Variants in PHKA2 observed in about 807,000 individuals in gnomAD.
The protein encoded by PHKA2 is phosphorylase kinase regulatory subunit alpha 2.
A neutral mutation model predicts 102.0 loss-of-function variants in PHKA2; 31 were observed. That is an observed-to-expected ratio of 0.30 (90% CI 0.23 to 0.41). The LOEUF is 0.41. Ranked by LOEUF, PHKA2 falls within the 10% of genes least tolerant of loss-of-function variation. PHKA2 has a pLI of 1.00. For missense variants in PHKA2, 858 were observed against 1,023.1 expected, an observed-to-expected ratio of 0.84 and a Z score of 2.20; for synonymous variants, 455 against 416.2, an observed-to-expected ratio of 1.09 and a Z score of -1.13.
rs1160505094 is a variant in PHKA2, at chrX:18,941,579, C to G, written c.814G>C (p.Asp272His). The change falls in exon 8 of 33, where the codon GAT (aspartate) becomes CAT (histidine). Residue 272 changes from aspartate to histidine, a missense_variant. Coordinates refer to ENST00000379942, the MANE Select transcript of PHKA2 (RefSeq NM_000292.3). The stretch of plus-strand genomic sequence containing the variant: ...TTGGTCACATTTACAAGGTTTACAT[C>G]TTCCACTGCAAAGGCCGGGAAGGAA... ...IISFPAFAVE[D>H]VNLVNVTKNE... is the part of the protein sequence containing the mutation. The G allele has an allele frequency of 1.7e-6, 2 of 1,199,557 alleles. No homozygotes were observed. Among genetic ancestry groups the G allele is most frequent in the African/African-American group, 3.5e-5 (2 of 57,182 alleles).
chrX:18,908,154 C>CA, intron 21 of PHKA2, 98 bp from the exon 22 acceptor site: 2 of 838,317 alleles, frequency 2.4e-6, no homozygotes, highest in Non-Finnish European at 3.6e-6. Context: ...TGGGCTCTCC[C>CA]AGTGCCCCTG....
At chrX:18,903,299 T>G (rs1444055007) in intron 26 of PHKA2, among the ~76,000 whole-genome samples, 2 of 112,481 alleles carry the variant, frequency 1.8e-5, no homozygotes, top group African/African-American at 6.5e-5. Context: ...CTATTTGTAT[T>G]AATATTTTTC....
chrX:18,913,693 G>A (rs1338239784), intron 19 of PHKA2, among the ~76,000 whole-genome samples: 2 of 112,181 alleles, frequency 1.8e-5, no homozygotes, highest in Non-Finnish European at 1.9e-5. Context: ...ACCACAGCCG[G>A]CCCACAAAAA....
chrX:18,969,479 A>T (rs1407031448), intron 1 of PHKA2, among the ~76,000 whole-genome samples: 1 of 111,418 alleles, frequency 9.0e-6, no homozygotes, highest in Non-Finnish European at 1.9e-5. Context: ...TTGAAAAAAA[A>T]TTTTTAATGC....
intron 29 of PHKA2, 83 bp downstream of exon 29, chrX:18,899,090 C>T: frequency 1.2e-6 from 1 of 833,239 alleles, no homozygotes; most frequent in Non-Finnish European, 1.8e-6. Flanking sequence ...CTCGAATCCT[C>T]AGAAGTTGGG....
chrX:18,892,856 G>A lies in PHKA2; in HGVS notation c.*629C>T, dbSNP rs1335218173. The A allele has an allele frequency of 8.8e-6, 1 of 113,559 alleles. No homozygotes were observed. Among genetic ancestry groups the A allele is most frequent in the African/African-American group, 3.3e-5 (1 of 30,403 alleles). 9.4% of individuals were successfully genotyped at this position (113,559 alleles called of 1,213,427 possible). On this transcript the variant is annotated 3_prime_UTR_variant, in exon 33 of 33. Transcript: ENST00000379942. ...AAACCCTGGAAGACCATGAGCCAAG[G>A]TGAACGAAGAGGAATTTTCTAAATC...
At chrX:18,912,251 T>TG (rs1342453471) in intron 19 of PHKA2, among the ~76,000 whole-genome samples, 1 of 112,225 alleles carries the variant, frequency 8.9e-6, no homozygotes, top group East Asian at 2.8e-4. Flanking sequence ...ATGACAGGGA[T>TG]ACATTCTGAG....
intron 1 of PHKA2, among the ~76,000 whole-genome samples, chrX:18,969,670 G>A (rs1189290739): frequency 1.8e-5 from 2 of 111,237 alleles, no homozygotes; most frequent in Admixed American, 9.6e-5. Context: ...CACATCTTAC[G>A]AATGGGATGA....
At position 18,983,810 on chromosome X, in the gene PHKA2, T is replaced by A. The variant is rs201080940; in HGVS notation, c.78+45A>T. On this transcript the variant is annotated intron_variant, in intron 1 of 32. Transcript: ENST00000379942. ...GACCTGGGAAGGAGAATGAGTTACA[T>A]GAGAGGGTAGTTCCACGCGTTCCCT... is the stretch of plus-strand genomic sequence containing the variant. The A allele has an allele frequency of 2.0e-5, 21 of 1,045,280 alleles. No homozygotes were observed. The East Asian group carries it at 6.4e-4, about 32-fold the overall frequency. The allele number at this position is 1,045,280 out of a possible 1,213,427, so 86.1% of individuals were successfully genotyped here.
Position 18,920,045 on chromosome X carries a change from G to A in PHKA2, c.1950C>T (p.Asp650=). The change falls in exon 18 of 33, where the codon GAC becomes GAT. Residue 650 remains aspartate, a synonymous_variant. Coordinates refer to ENST00000379942, the MANE Select transcript of PHKA2 (RefSeq NM_000292.3). ...TCCAAGCTGTACCTTGATTACAGGT[G>A]TCTTCCAGATATCCTACCAAATCTG... The part of the protein sequence containing the change: ...SDSDLVGYLE[D]TCNQESQDEL... The A allele has an allele frequency of 8.3e-7, 1 of 1,203,195 alleles. No individual in the cohort carries two copies.
intron 7 of PHKA2, among the ~76,000 whole-genome samples, chrX:18,942,789 AG>A (rs1295258235): frequency 1.8e-5 from 2 of 108,446 alleles, no homozygotes; most frequent in African/African-American, 6.8e-5. Flanking sequence ...TTGAGGTTAC[AG>A]GGAGCTATGA....
chrX:18,917,256 AT>A (rs1206488479), intron 19 of PHKA2, among the ~76,000 whole-genome samples: 2 of 108,126 alleles, frequency 1.8e-5, no homozygotes, highest in South Asian at 4.0e-4. Flanking sequence ...CTGCAAAAAA[AT>A]GTCTTTTTTT....
At chrX:18,973,294 C>T (rs1468354674) in intron 1 of PHKA2, among the ~76,000 whole-genome samples, 4 of 111,907 alleles carry the variant, frequency 3.6e-5, no homozygotes, top group Admixed American at 1.9e-4. Context: ...TGTGAGCCAC[C>T]GCGCCTGGCC....
At chrX:18,933,086 C>T (rs1471598807) in intron 11 of PHKA2, among the ~76,000 whole-genome samples, 4 of 109,290 alleles carry the variant, frequency 3.7e-5, no homozygotes, top group African/African-American at 1.3e-4. Flanking sequence ...TGCACTCCAG[C>T]CTGGGTGACA....
In PHKA2 at chrX:18,931,748, C is replaced by T; in HGVS notation, c.1138G>A (p.Val380Ile). ...TGAGGATTCTTGTACTCTTCATCTA[C>T]CTGGAAAGAGAGACAAATCCAAAGT... ...PELYAVPPNK[V>I]DEEYKNPHTV... The change falls in exon 12 of 33, where the codon GTA becomes ATA. Residue 380 changes from valine (V) to isoleucine (I), a missense_variant and splice_region_variant. Around this residue, in one of 2 missense-constraint regions of PHKA2, gnomAD observed 671 missense variants for 745.2 expected, o/e 0.90. Transcript: ENST00000379942. 10 of 1,152,210 alleles carry T rather than the reference C, an allele frequency of 8.7e-6. No individual in the cohort carries two copies. The highest frequency in any genetic ancestry group is 1.2e-5 in the Non-Finnish European group (10 of 841,325). 95.0% of individuals were successfully genotyped at this position (1,152,210 alleles called of 1,213,427 possible). A position where few individuals can be genotyped will look rare whatever the true frequency, so the allele number is the denominator to read the frequency against.
At chrX:18,910,838 A>C (rs1222197211) in intron 20 of PHKA2, 34 bp downstream of exon 20, 2 of 904,832 alleles carry the variant, frequency 2.2e-6, no homozygotes, top group Non-Finnish European at 1.6e-6. Context: ...GTAGAACACC[A>C]TACTTTTAAA....
intron 1 of PHKA2, among the ~76,000 whole-genome samples, chrX:18,974,883 C>T (rs1021083399): frequency 9.0e-6 from 1 of 111,645 alleles, no homozygotes; most frequent in African/African-American, 3.3e-5. Context: ...CTGCTACTTC[C>T]CTGATGGCTT....
chrX:18,967,934 G>A (rs1239651192), intron 1 of PHKA2, among the ~76,000 whole-genome samples: 5 of 110,915 alleles, frequency 4.5e-5, no homozygotes, highest in African/African-American at 1.6e-4. Context: ...AAAATTACTG[G>A]AGACCCCCTA....
intron 21 of PHKA2, 21 bp from the exon 22 acceptor site, chrX:18,908,077 C>G (rs761967931): frequency 5.8e-6 from 7 of 1,198,089 alleles, no homozygotes; most frequent in Non-Finnish European, 7.9e-6. Context: ...GTAGAAAAAC[C>G]CAGAAATATG....
Sources: allele counts gnomAD v4.1 joint callset (sites outside exome capture counted in the v4.1 genomes callset), GRCh38; gene constraint gnomAD v4.1.1; regional missense constraint gnomAD v4.1.1; transcripts MANE v1.5; gene names NCBI Gene and HGNC (gene_info 2026-07-23, HGNC 2026-07-21).